The following PLAU variants were observed in gnomAD, a reference collection of about 807,000 sequenced individuals.
PLAU encodes plasminogen activator, urokinase, also known as urokinase-type plasminogen activator.
Under a neutral mutation model 48.9 loss-of-function variants are expected in PLAU, and 32 were observed. The ratio of observed to expected loss-of-function variants is 0.65; its 90% CI spans 0.49 to 0.88. The LOEUF is 0.88. Ranked by LOEUF, PLAU falls within the 40% of genes least tolerant of loss-of-function variation. PLAU has a pLI of 0.00. For synonymous variants in PLAU, 199 were observed against 205.7 expected (o/e 0.97, Z 0.28); for missense variants, 455 against 545.2 (o/e 0.83, Z 1.65).
intron 10 of PLAU, among the ~76,000 whole-genome samples, chr10:73,915,987 C>T (rs1353480939): frequency 6.6e-6 from 1 of 152,064 alleles, no homozygotes; most frequent in Non-Finnish European, 1.5e-5. Flanking sequence ...TGCCTGTAAT[C>T]CCAGCACTTT....
rs1409075428 is a variant in PLAU at position 73,912,342 on chromosome 10, A to C, written c.193+20A>C. On this transcript the variant is annotated intron_variant, in intron 4 of 10. Transcript: ENST00000372764. ...AAATAGGTATGGGGATCTCCACTGC[A>C]ACTGGGAGAGAAATTTGGGGACAGG... 5.8e-6 allele frequency: 9 copies of C among 1,561,906 alleles called. No homozygotes were observed. Among genetic ancestry groups the C allele is most frequent in the Non-Finnish European group, 6.1e-6 (7 of 1,139,806 alleles).
At chr10:73,915,479 G>GTC (rs1301844068) in intron 10 of PLAU, 80 bp downstream of exon 10, 1 of 1,380,038 alleles carries the variant, frequency 7.2e-7, no homozygotes, top group East Asian at 2.4e-5. Context: ...GCTTAAGGGT[G>GTC]TCTCTCTCTA....
rs1018721768 is a variant in PLAU, at chr10:73,911,365, C to T, written c.-32+147C>T. ...AAGGCGCCCCGTCCCGGGCGTCCCC[C>T]GCGGGTGCCGATCCAGGCTGCCCGG... On this transcript the variant is annotated intron_variant, in intron 1 of 10. Transcript: ENST00000372764. 3.8e-5 allele frequency: 29 copies of T among 772,404 alleles called. No individual in the cohort carries two copies. The East Asian group carries it at 6.4e-4, about 17-fold the overall frequency. 47.8% of individuals were successfully genotyped at this position (772,404 alleles called of 1,614,324 possible). A position where few individuals can be genotyped will look rare whatever the true frequency, so the allele number is the denominator to read the frequency against.
chr10:73,916,696 C>A lies in PLAU; in HGVS notation c.*131C>A. ...TGCACAGATGGATTTGCCTGTGCCACCCACCAGGGCGAACGACAATAGCTT... is the reference window on the plus strand; with the variant it reads ...TGCACAGATGGATTTGCCTGTGCCAACCACCAGGGCGAACGACAATAGCTT... On this transcript the variant is annotated 3_prime_UTR_variant, in exon 11 of 11. Transcript: ENST00000372764. 1 of 763,936 alleles carries A rather than the reference C, an allele frequency of 1.3e-6. No homozygotes were observed. Among genetic ancestry groups the A allele is most frequent in the African/African-American group, 1.8e-5 (1 of 57,070 alleles). 47.3% of individuals were successfully genotyped at this position (763,936 alleles called of 1,614,324 possible).
Position 73,912,859 on chromosome 10 carries a change from A to AG in PLAU, c.194-65_194-64insG, listed in dbSNP as rs1329938337. 3.6e-6 allele frequency: 5 copies of AG among 1,400,474 alleles called. No homozygotes were observed. In the African/African-American group the frequency reaches 7.2e-5, roughly 20 times the overall value. 86.8% of individuals were successfully genotyped at this position (1,400,474 alleles called of 1,614,324 possible). Reference sequence around the variant, plus strand: ...AGCAAGACTCCATCTCAAAAAAAAAAAATAAAAGTTAGTTGGAATGTTCTT... The same window carrying AG: ...AGCAAGACTCCATCTCAAAAAAAAAAGAATAAAAGTTAGTTGGAATGTTCTT... On this transcript the variant is annotated intron_variant, in intron 4 of 10. Transcript: ENST00000372764.
chr10:73,913,802 C>A, intron 7 of PLAU, 44 bp downstream of exon 7: 2 of 1,475,400 alleles, frequency 1.4e-6, no homozygotes, highest in South Asian at 1.3e-5. Flanking sequence ...TGCCCCACCC[C>A]AAGCACATCC....
intron 9 of PLAU, 131 bp downstream of exon 9, chr10:73,915,047 G>T (rs1358254230): frequency 2.8e-6 from 3 of 1,084,488 alleles, no homozygotes; most frequent in Non-Finnish European, 2.7e-6. Flanking sequence ...TGGGTCCAGG[G>T]ATGGATGAAG....
intron 1 of PLAU, 27 bp from the exon 2 acceptor site, chr10:73,911,498 T>C: frequency 6.3e-7 from 1 of 1,591,658 alleles, no homozygotes; most frequent in Non-Finnish European, 8.5e-7. Context: ...CCTCCGCCTC[T>C]TGCCCTGACT....
chr10:73,912,370 G>A, intron 4 of PLAU, 48 bp downstream of exon 4: 1 of 1,250,506 alleles, frequency 8.0e-7, no homozygotes. Context: ...GGGACAGGGA[G>A]GGATGGGTGG....
In PLAU at chr10:73,914,097, C is replaced by T. The variant is rs767978842; in HGVS notation, c.798C>T (p.Ser266=). ...VENLILHKDY[S]ADTLAHHNDI... ...ACCTCATCCTACACAAGGACTACAG[C>T]GCTGACACGCTTGCTCACCACAACG... Residue 266 remains serine, a synonymous_variant, in exon 8 of 11, where the codon AGC becomes AGT. Transcript: ENST00000372764. The T allele has an allele frequency of 4.0e-5, 64 of 1,614,066 alleles. No individual in the cohort carries two copies. In the Admixed American group the frequency reaches 6.8e-4, roughly 17 times the overall value.
rs372460458 is a variant in PLAU, at chr10:73,916,585, G to A, written c.*20G>A. The A allele has an allele frequency of 3.0e-5, 48 of 1,590,162 alleles. No homozygotes were observed. The highest frequency in any genetic ancestry group is 1.8e-4 in the African/African-American group (13 of 74,254). Reference sequence around the variant, plus strand: ...CTCTGAGGGTCCCCAGGGAGGAAACGGGCACCACCCGCTTTCTTGCTGGTT... The same window carrying A: ...CTCTGAGGGTCCCCAGGGAGGAAACAGGCACCACCCGCTTTCTTGCTGGTT... On this transcript the variant is annotated 3_prime_UTR_variant, in exon 11 of 11. Coordinates refer to ENST00000372764, the MANE Select transcript of PLAU (RefSeq NM_002658.6).
At chr10:73,909,440 A>G (rs975546310), upstream of PLAU, 2 of 152,310 alleles carry the variant, frequency 1.3e-5, no homozygotes, top group African/African-American at 4.8e-5. Context: ...TCGCTGACTC[A>G]GTCTGTCCCC....
chr10:73,915,420 T>C (rs1219662893), intron 10 of PLAU, 21 bp downstream of exon 10: 1 of 1,581,690 alleles, frequency 6.3e-7, no homozygotes, highest in African/African-American at 1.3e-5. Flanking sequence ...CAAGCATCTC[T>C]CTCCACCTCT....
At chr10:73,911,291 G>A (rs2096123349) in intron 1 of PLAU, 73 bp downstream of exon 1, 1 of 565,990 alleles carries the variant, frequency 1.8e-6, no homozygotes, top group African/African-American at 2.0e-5. Flanking sequence ...TGCCTCCCCC[G>A]CCCTGGGCTG....
At chr10:73,915,512 A>G (rs1565611588) in intron 10 of PLAU, 113 bp downstream of exon 10, 1 of 1,022,418 alleles carries the variant, frequency 9.8e-7, no homozygotes, top group East Asian at 2.5e-5. Context: ...AGTAGCCAGA[A>G]TCAGGAGCTC....
upstream of PLAU, chr10:73,910,596 G>T (rs2096121916): frequency 6.6e-6 from 1 of 152,206 alleles, no homozygotes; most frequent in African/African-American, 2.4e-5. Context: ...GTGATATCTG[G>T]GGACTGCCAC....
chr10:73,911,301 G>T (rs897388013), intron 1 of PLAU, 83 bp downstream of exon 1: 10 of 585,622 alleles, frequency 1.7e-5, no homozygotes, highest in South Asian at 9.9e-5. Flanking sequence ...GCCCTGGGCT[G>T]CCCGGGCTCC....
intron 8 of PLAU, 129 bp from the exon 9 acceptor site, chr10:73,914,647 G>A (rs1165704672): frequency 7.1e-6 from 6 of 840,658 alleles, no homozygotes; most frequent in South Asian, 3.5e-5. Flanking sequence ...GGTGATAAGC[G>A]ACCAGCAGAC....
rs2096128916 is a variant in PLAU at position 73,913,338 on chromosome 10, A to G, written c.417A>G (p.Leu139=). The G allele has an allele frequency of 1.2e-6, 2 of 1,614,028 alleles. No individual in the cohort carries two copies. The highest frequency in any genetic ancestry group is 8.5e-7 in the Non-Finnish European group (1 of 1,180,010). Residue 139 remains leucine (L), a synonymous_variant, in exon 6 of 11, where the codon CTA becomes CTG. Transcript: ENST00000372764. ...RRPWCYVQVG[L]KLLVQECMVH... is the part of the protein sequence containing the mutation. ...CCTGGTGCTATGTGCAGGTGGGCCT[A>G]AAGCTGCTTGTCCAAGAGTGCATGG... is the stretch of plus-strand genomic sequence containing the variant.
Sources: allele counts gnomAD v4.1 joint callset (sites outside exome capture counted in the v4.1 genomes callset), GRCh38; gene constraint gnomAD v4.1.1; transcripts MANE v1.5; gene names NCBI Gene and HGNC (gene_info 2026-07-23, HGNC 2026-07-21).